ABCC4: variants seen among roughly 807,000 people sequenced by gnomAD.
ABCC4 encodes ATP-binding cassette sub-family C member 4.
Under a neutral mutation model 168.5 loss-of-function variants are expected in ABCC4, and 102 were observed. The ratio of observed to expected loss-of-function variants is 0.61; its 90% confidence interval spans 0.52 to 0.71. ABCC4 has a LOEUF of 0.71. Among genes scored for constraint, ABCC4 ranks in the 30% least tolerant of loss-of-function variants. The pLI, the probability that ABCC4 is intolerant of heterozygous loss-of-function variation, is 0.00. For missense variants in ABCC4, 1,402 were observed against 1,605.8 expected, an observed-to-expected ratio of 0.87 and a Z score of 2.17; for synonymous variants, 617 against 590.7, an observed-to-expected ratio of 1.04 and a Z score of -0.65.
intron 13 of ABCC4, among the ~76,000 whole-genome samples, chr13:95,173,213 T>C (rs1261745933): frequency 6.6e-6 from 1 of 152,216 alleles, no homozygotes; most frequent in Non-Finnish European, 1.5e-5. Flanking sequence ...AAGGAGGTGA[T>C]GTATGAGCCA....
At chr13:95,153,487 C>T (rs2036759531) in intron 19 of ABCC4, among the ~76,000 whole-genome samples, 1 of 152,112 alleles carries the variant, frequency 6.6e-6, no homozygotes, top group South Asian at 2.1e-4. Context: ...GAGAGAGATA[C>T]AGGCATATAC....
chr13:95,187,781 G>A (rs116248165), intron 10 of ABCC4, among the ~76,000 whole-genome samples: 120 of 152,144 alleles, frequency 7.9e-4, no homozygotes, highest in African/African-American at 2.7e-3. Flanking sequence ...GATTTATTGC[G>A]TTGCTTTAGA....
chr13:95,143,689 C>T (rs944754002), intron 19 of ABCC4, among the ~76,000 whole-genome samples: 2 of 152,098 alleles, frequency 1.3e-5, no homozygotes, highest in African/African-American at 2.4e-5. Flanking sequence ...TCCTATGACA[C>T]CAAACACTAC....
At position 95,247,686 on chromosome 13, in the gene ABCC4, G is replaced by A; in HGVS notation, c.142C>T (p.Leu48=). The A allele has an allele frequency of 6.2e-7, 1 of 1,614,032 alleles. No homozygotes were observed. Among genetic ancestry groups the A allele is most frequent in the South Asian group, 1.1e-5 (1 of 91,060 alleles). The change falls in exon 2 of 31, where the codon CTG becomes TTG. Residue 48 remains leucine (L), a synonymous_variant. Transcript: ENST00000645237. The part of the protein sequence containing the change: ...RLEEDDMYSV[L]PEDRSQHLGE... ...AGGTGCTGTGAGCGGTCTTCTGGCA[G>A]CACTGAATACATATCATCTTCCTCT...
rs906919881 is a variant in ABCC4 at position 95,020,312 on chromosome 13, G to C, written c.*1263C>G. The C allele has an allele frequency of 5.3e-5, 8 of 152,210 alleles. No homozygotes were observed. The highest frequency in any genetic ancestry group is 1.2e-4 in the Non-Finnish European group (8 of 68,006). 9.4% of individuals were successfully genotyped at this position (152,210 alleles called of 1,614,324 possible). On this transcript the variant is annotated 3_prime_UTR_variant, in exon 31 of 31. Coordinates refer to ENST00000645237, the MANE Select transcript of ABCC4 (RefSeq NM_005845.5). ...ATATACATATATGCAATTTCAGGGA[G>C]GTGACACCTTATTCTGAGAGGTCAT...
At chr13:95,194,805 C>G (rs937372250) in intron 9 of ABCC4, 31 bp downstream of exon 9, 15 of 1,542,680 alleles carry the variant, frequency 9.7e-6, no homozygotes, top group Non-Finnish European at 1.3e-5. Flanking sequence ...TTATCTTCAG[C>G]AGTCATGATC....
chr13:95,091,311 A>T (rs1372872218), intron 20 of ABCC4, among the ~76,000 whole-genome samples: 1 of 152,226 alleles, frequency 6.6e-6, no homozygotes, highest in Non-Finnish European at 1.5e-5. Flanking sequence ...TGGGAAATTC[A>T]TTGAAAAAAA....
In ABCC4 at chr13:95,056,394, A is replaced by C. The variant is rs565156610; in HGVS notation, c.3367-3210T>G. Among the ~76,000 whole-genome samples the C allele has an allele frequency of 9.3e-4, 141 of 152,314 alleles. 2 individuals are homozygous for C. The highest frequency in any genetic ancestry group is 2.0e-3 in the Admixed American group (31 of 15,292). On this transcript the variant is annotated intron_variant, in intron 26 of 30. Coordinates refer to ENST00000645237, the MANE Select transcript of ABCC4 (RefSeq NM_005845.5). ...TTTAAAAAAACCCTGTAGCCTCTGA[A>C]TGAACTGATCATCATCCATTTTCAG...
At chr13:95,167,925 G>A (rs1161780853) in intron 14 of ABCC4, among the ~76,000 whole-genome samples, 1 of 152,168 alleles carries the variant, frequency 6.6e-6, no homozygotes, top group Non-Finnish European at 1.5e-5. Context: ...GGAGTGCAAT[G>A]GCGCGATCTC....
intron 3 of ABCC4, among the ~76,000 whole-genome samples, chr13:95,236,587 AAC>A (rs72218535): frequency 0.36 from 42,749 of 119,618 alleles, 6,796 homozygotes; most frequent in African/African-American, 0.42. Context: ...TCGGCATGTG[AAC>A]GCGCGCGTGC....
chr13:95,028,448 A>G (rs902782424), intron 30 of ABCC4, among the ~76,000 whole-genome samples: 2 of 152,200 alleles, frequency 1.3e-5, no homozygotes, highest in South Asian at 4.1e-4. Context: ...AACAGAAAAG[A>G]AATGAACAGA....
intron 26 of ABCC4, among the ~76,000 whole-genome samples, chr13:95,056,566 T>A (rs762011419): frequency 6.6e-6 from 1 of 151,968 alleles, no homozygotes; most frequent in Non-Finnish European, 1.5e-5. Flanking sequence ...ACTGACTGCA[T>A]TAGGCCAGAA....
chr13:95,103,732 C>T (rs564274482), intron 20 of ABCC4, among the ~76,000 whole-genome samples: 114 of 152,292 alleles, frequency 7.5e-4, no homozygotes, highest in African/African-American at 2.7e-3. Context: ...ATCTTTCTGA[C>T]AGTCTCCCAT....
At chr13:95,051,719 TG>T (rs2032844603) in intron 27 of ABCC4, among the ~76,000 whole-genome samples, 1 of 98,064 alleles carries the variant, frequency 1.0e-5, no homozygotes, top group Non-Finnish European at 2.5e-5. Flanking sequence ...TAGGCTGGAG[TG>T]CAGTGGCACA....
chr13:95,048,139 C>CT (rs2032674083), intron 27 of ABCC4, among the ~76,000 whole-genome samples: 1 of 152,026 alleles, frequency 6.6e-6, no homozygotes, highest in Non-Finnish European at 1.5e-5. Context: ...AGAAACAGTC[C>CT]TTATAAAATT....
chr13:95,300,509 C>T (rs2041647313), intron 1 of ABCC4, among the ~76,000 whole-genome samples: 1 of 152,094 alleles, frequency 6.6e-6, no homozygotes, highest in Admixed American at 6.6e-5. Flanking sequence ...TGTTATTTTA[C>T]CCACATGAAA....
chr13:95,126,802 ATATT>A (rs1263762301), intron 19 of ABCC4, among the ~76,000 whole-genome samples: 18 of 137,508 alleles, frequency 1.3e-4, no homozygotes, highest in African/African-American at 4.7e-4. Flanking sequence ...ATATTTATAT[ATATT>A]TAAGTACACC....
intron 1 of ABCC4, among the ~76,000 whole-genome samples, chr13:95,267,946 A>G (rs1036238989): frequency 2.0e-5 from 3 of 152,324 alleles, no homozygotes; most frequent in Non-Finnish European, 4.4e-5. Context: ...TGAAGCTCCA[A>G]TAAAAACTCC....
intron 27 of ABCC4, among the ~76,000 whole-genome samples, chr13:95,049,834 T>C (rs978489208): frequency 6.6e-6 from 1 of 152,140 alleles, no homozygotes; most frequent in African/African-American, 2.4e-5. Flanking sequence ...CCTTTTTATG[T>C]GGTTAAACCA....
Sources: allele counts gnomAD v4.1 joint callset (sites outside exome capture counted in the v4.1 genomes callset), GRCh38; gene constraint gnomAD v4.1.1; transcripts MANE v1.5; gene names NCBI Gene and HGNC (gene_info 2026-07-23, HGNC 2026-07-21).